The following DUOX1 variants were observed in gnomAD, a reference collection of about 807,000 sequenced individuals.
DUOX1 encodes the protein dual oxidase 1, also known as NADPH thyroid oxidase 1.
In DUOX1, 134 loss-of-function variants were observed where a neutral mutation model predicts 181.8. The observed-to-expected ratio is 0.74, with a 90% confidence interval of 0.64 to 0.85. The LOEUF (loss-of-function observed/expected upper bound fraction) is 0.85, where lower values mean the gene tolerates loss of function less well. DUOX1 is among the 40% of genes least tolerant of loss of function. The pLI is 0.00. For synonymous variants in DUOX1, 798 were observed against 832.5 expected, an observed-to-expected ratio of 0.96 and a Z score of 0.71; for missense variants, 1,814 against 2,064.4, an observed-to-expected ratio of 0.88 and a Z score of 2.35.
At chr15:45,141,113 G>A (rs781558576) in intron 13 of DUOX1, 43 bp downstream of exon 13, 2 of 1,611,730 alleles carry the variant, frequency 1.2e-6, no homozygotes, top group Non-Finnish European at 1.7e-6. Context: ...ACCTCGGCCT[G>A]GGCCCCAGAC....
At chr15:45,159,864 A>G (rs1897053106) in intron 28 of DUOX1, among the ~76,000 whole-genome samples, 1 of 152,170 alleles carries the variant, frequency 6.6e-6, no homozygotes, top group South Asian at 2.1e-4. Flanking sequence ...AGGAAGCAAA[A>G]GTACTGTTGG....
At chr15:45,151,809 A>G in intron 23 of DUOX1, 65 bp from the exon 24 acceptor site, 1 of 1,536,044 alleles carries the variant, frequency 6.5e-7, no homozygotes, top group Non-Finnish European at 8.8e-7. Context: ...ACCTCCGTGA[A>G]GTGGGGCCCC....
rs566595033 is a variant in DUOX1, at chr15:45,161,853, C to G, written c.3972C>G (p.Thr1324=). 1 of 1,613,980 alleles carries G rather than the reference C, an allele frequency of 6.2e-7. No individual in the cohort carries two copies. The highest frequency in any genetic ancestry group is 1.1e-5 in the South Asian group (1 of 91,046). The part of the protein sequence containing the change: ...GTTEYHPFTL[T]SAPHEDTLSL... Reference sequence around the variant, plus strand: ...CCGAGTACCACCCCTTCACACTGACCTCTGCGCCCCATGAGGACACGCTTA... The same window carrying G: ...CCGAGTACCACCCCTTCACACTGACGTCTGCGCCCCATGAGGACACGCTTA... The change falls in exon 30 of 34, where the codon ACC becomes ACG. Residue 1324 remains threonine (T), a synonymous_variant. Coordinates refer to ENST00000389037, the MANE Select transcript of DUOX1 (RefSeq NM_175940.3).
In DUOX1 at chr15:45,141,715, A is replaced by T. The variant is rs185652528; in HGVS notation, c.1685-260A>T. On this transcript the variant is annotated intron_variant, in intron 14 of 33. Coordinates refer to ENST00000389037, the MANE Select transcript of DUOX1 (RefSeq NM_175940.3). ...GTATAATATTAGGAGGGCTCAGTGC[A>T]GTGAGGATATCCCAACCCTACAGCA... Among the ~76,000 whole-genome samples the T allele has an allele frequency of 7.5e-4, 114 of 151,938 alleles. 2 individuals are homozygous for T. The highest frequency in any genetic ancestry group is 2.7e-3 in the African/African-American group (113 of 41,420).
chr15:45,160,337 A>G (rs1897067396), intron 28 of DUOX1, among the ~76,000 whole-genome samples: 1 of 152,176 alleles, frequency 6.6e-6, no homozygotes, highest in East Asian at 1.9e-4. Context: ...AGGAGATGCA[A>G]AGATCCTTAA....
chr15:45,153,203 A>G, intron 25 of DUOX1, 177 bp from the exon 26 acceptor site: 1 of 494,384 alleles, frequency 2.0e-6, no homozygotes, highest in Non-Finnish European at 3.5e-6. Flanking sequence ...CCTGGGTGAC[A>G]GAGTGAGACT....
chr15:45,163,396 A>C, intron 31 of DUOX1, 136 bp from the exon 32 acceptor site: 1 of 1,313,044 alleles, frequency 7.6e-7, no homozygotes, highest in Non-Finnish European at 1.0e-6. Flanking sequence ...CGTGGCCCAT[A>C]CACTCCATCT....
chr15:45,153,259 G>A (rs768773729), intron 25 of DUOX1, 121 bp from the exon 26 acceptor site: 9 of 559,172 alleles, frequency 1.6e-5, no homozygotes, highest in East Asian at 1.5e-4. Flanking sequence ...GTCAGAAGTC[G>A]AGACTCCTAA....
chr15:45,155,619 C>A (rs1440600732), intron 27 of DUOX1, 183 bp from the exon 28 acceptor site: 59 of 634,758 alleles, frequency 9.3e-5, no homozygotes, highest in South Asian at 3.2e-4. Context: ...GAAAAGTGAA[C>A]AATGTCTGCT....
intron 22 of DUOX1, 127 bp downstream of exon 22, chr15:45,150,828 C>G: frequency 1.1e-6 from 1 of 925,006 alleles, no homozygotes; most frequent in African/African-American, 1.6e-5. Context: ...AAAGGACACC[C>G]CTTTCTCTAG....
intron 28 of DUOX1, among the ~76,000 whole-genome samples, chr15:45,156,463 C>T (rs1026442764): frequency 6.6e-6 from 1 of 152,116 alleles, no homozygotes; most frequent in Non-Finnish European, 1.5e-5. Context: ...GACAGAGTCT[C>T]GCCCTGTCGC....
intron 28 of DUOX1, among the ~76,000 whole-genome samples, chr15:45,159,536 G>A (rs1172999904): frequency 1.3e-5 from 2 of 152,212 alleles, no homozygotes; most frequent in Non-Finnish European, 2.9e-5. Context: ...AGAGGTGGAC[G>A]CAGAAGTCAA....
Position 45,163,809 on chromosome 15 carries a change from T to TC in DUOX1, c.4426dup (p.Gln1476ProfsTer24). On this transcript the variant is annotated frameshift_variant, in exon 33 of 34. Coordinates refer to ENST00000389037, the MANE Select transcript of DUOX1 (RefSeq NM_175940.3). LOFTEE classifies it high-confidence loss of function. ...CCATAGTACATCTGTGAGCGGCACT[T>TC]CCAGAAGGTTCTGAACCGGAGTCTA... 6.2e-7 allele frequency: 1 copy of TC among 1,614,082 alleles called. No individual in the cohort carries two copies. The highest frequency in any genetic ancestry group is 8.5e-7 in the Non-Finnish European group (1 of 1,180,002).
Position 45,135,467 on chromosome 15 carries a change from C to T in DUOX1, c.496-7C>T. 1 of 1,549,044 alleles carries T rather than the reference C, an allele frequency of 6.5e-7. No individual in the cohort carries two copies. The highest frequency in any genetic ancestry group is 8.7e-7 in the Non-Finnish European group (1 of 1,148,076). On this transcript the variant is annotated splice_polypyrimidine_tract_variant and splice_region_variant and intron_variant, in intron 5 of 33. Transcript: ENST00000389037. ...CGACCCGGGCTCACCCGCCGCGTGC[C>T]CCGCAGGCCAACCAGGTGACGGGCT... is the stretch of plus-strand genomic sequence containing the variant.
At position 45,135,461 on chromosome 15, in the gene DUOX1, G is replaced by A. The variant is rs752184200; in HGVS notation, c.496-13G>A. The A allele has an allele frequency of 1.1e-4, 168 of 1,546,520 alleles. No homozygotes were observed. Among genetic ancestry groups the A allele is most frequent in the Non-Finnish European group, 1.4e-4 (156 of 1,146,996 alleles). On this transcript the variant is annotated splice_polypyrimidine_tract_variant and intron_variant, in intron 5 of 33. Coordinates refer to ENST00000389037, the MANE Select transcript of DUOX1 (RefSeq NM_175940.3). ...GCCCATCGACCCGGGCTCACCCGCC[G>A]CGTGCCCCGCAGGCCAACCAGGTGA... is the stretch of plus-strand genomic sequence containing the variant.
At position 45,142,023 on chromosome 15, in the gene DUOX1, C is replaced by A; in HGVS notation, c.1733C>A (p.Ala578Glu). Residue 578 changes from alanine to glutamate, a missense_variant, in exon 15 of 34, where the codon GCG becomes GAG. Around this residue, in one of 5 missense-constraint regions of DUOX1, gnomAD observed 1,064 missense variants for 1,152.9 expected, o/e 0.92. Transcript: ENST00000389037. ...CAGCTCAGCACTGAAGGCCTGCCAG[C>A]GTGTGCTCCCTCTGTTGTTCGTGAC... ...PRQLSTEGLP[A>E]CAPSVVRDYF... 2.5e-6 allele frequency: 4 copies of A among 1,613,848 alleles called. No individual in the cohort carries two copies. Among genetic ancestry groups the A allele is most frequent in the Non-Finnish European group, 3.4e-6 (4 of 1,180,016 alleles).
chr15:45,136,697 G>C, intron 9 of DUOX1, 72 bp downstream of exon 9: 1 of 1,414,440 alleles, frequency 7.1e-7, no homozygotes, highest in South Asian at 1.2e-5. Context: ...CTGCCCTCAG[G>C]AGCCCTCTGT....
In DUOX1 at chr15:45,156,679, C is replaced by T. The variant is rs1896977379; in HGVS notation, c.3702+750C>T. 3.3e-5 allele frequency among the ~76,000 whole-genome samples: 5 copies of T among 152,314 alleles called. No homozygotes were observed. In the South Asian group the frequency reaches 1.0e-3, roughly 32 times the overall value. On this transcript the variant is annotated intron_variant, in intron 28 of 33. Coordinates refer to ENST00000389037, the MANE Select transcript of DUOX1 (RefSeq NM_175940.3). ...AATTCCTGACCTCGTGATCCACCCA[C>T]CTCGGCCTCCCAAAGTGCTGGGATT...
chr15:45,155,818 G>A lies in DUOX1; in HGVS notation c.3591G>A (p.Val1197=), dbSNP rs1484780021. 1 of 1,613,874 alleles carries A rather than the reference G, an allele frequency of 6.2e-7. No individual in the cohort carries two copies. The highest frequency in any genetic ancestry group is 2.2e-5 in the East Asian group (1 of 44,874). ...FQTVPGLTGV[V]LLLILAIMYV... is the part of the protein sequence containing the mutation. ...ATTTTGCAGGCCTCACGGGGGTTGTGCTGCTCCTGATCCTGGCCATCATGT... is the reference window on the plus strand; with the variant it reads ...ATTTTGCAGGCCTCACGGGGGTTGTACTGCTCCTGATCCTGGCCATCATGT... Residue 1197 remains valine, a synonymous_variant, in exon 28 of 34, where the codon GTG becomes GTA. Transcript: ENST00000389037.
Sources: allele counts gnomAD v4.1 joint callset (sites outside exome capture counted in the v4.1 genomes callset), GRCh38; gene constraint gnomAD v4.1.1; regional missense constraint gnomAD v4.1.1; transcripts MANE v1.5; gene names NCBI Gene and HGNC (gene_info 2026-07-23, HGNC 2026-07-21).